The following CNTNAP5 variants were observed in gnomAD, a reference collection of about 807,000 sequenced individuals.
The protein encoded by CNTNAP5 is contactin-associated protein-like 5.
CNTNAP5 carries 72 observed loss-of-function variants against 150.2 expected under a neutral mutation model. The observed-to-expected ratio is 0.48, with a 90% CI of 0.40 to 0.58. CNTNAP5 has a LOEUF of 0.58. Among genes scored for constraint, CNTNAP5 ranks in the 20% least tolerant of loss-of-function variants. The pLI is 0.00. For missense variants in CNTNAP5, 1,636 were observed against 1,626.2 expected (o/e 1.01, Z -0.10); for synonymous variants, 672 against 619.8 (o/e 1.08, Z -1.25).
chr2:124,897,530 G>A (rs1678329997), intron 21 of CNTNAP5, among the ~76,000 whole-genome samples: 1 of 151,584 alleles, frequency 6.6e-6, no homozygotes, highest in Non-Finnish European at 1.5e-5. Context: ...TCCAGGCAGA[G>A]AGAATCATGT....
At chr2:124,340,386 T>C (rs531801990) in intron 3 of CNTNAP5, among the ~76,000 whole-genome samples, 1 of 152,264 alleles carries the variant, frequency 6.6e-6, no homozygotes, top group Non-Finnish European at 1.5e-5. Context: ...GACTCAAATA[T>C]TCTCTTTATG....
intron 21 of CNTNAP5, among the ~76,000 whole-genome samples, chr2:124,874,526 AT>A (rs1018816893): frequency 2.0e-5 from 3 of 151,814 alleles, no homozygotes; most frequent in Admixed American, 6.6e-5. Context: ...TTTTTAATTT[AT>A]TTTTTTTCTG....
intron 3 of CNTNAP5, among the ~76,000 whole-genome samples, chr2:124,412,442 A>G (rs1691796567): frequency 6.7e-6 from 1 of 149,396 alleles, no homozygotes; most frequent in Non-Finnish European, 1.5e-5. Context: ...AGCCAAAAGA[A>G]CAAAGCTGGA....
intron 19 of CNTNAP5, among the ~76,000 whole-genome samples, chr2:124,835,494 G>C (rs1003408499): frequency 6.6e-6 from 1 of 152,138 alleles, no homozygotes; most frequent in Admixed American, 6.5e-5. Context: ...GAATGCAGGG[G>C]CAGTTGCTTG....
intron 3 of CNTNAP5, among the ~76,000 whole-genome samples, chr2:124,284,418 A>C (rs903341089): frequency 6.6e-5 from 10 of 152,040 alleles, no homozygotes; most frequent in African/African-American, 1.7e-4. Context: ...TTTGGAAGCT[A>C]TTTGTTCCCA....
At chr2:124,784,613 C>T (rs912843769) in intron 17 of CNTNAP5, among the ~76,000 whole-genome samples, 1 of 152,112 alleles carries the variant, frequency 6.6e-6, no homozygotes, top group Admixed American at 6.6e-5. Context: ...AGAATAAATG[C>T]ATGCTGGTAT....
chr2:124,558,538 G>A (rs1354289445), intron 10 of CNTNAP5, among the ~76,000 whole-genome samples: 2 of 152,164 alleles, frequency 1.3e-5, no homozygotes, highest in African/African-American at 4.8e-5. Flanking sequence ...TGAAGTCACT[G>A]GTGTGTAGCC....
chr2:124,839,437 C>T (rs1174857264), intron 19 of CNTNAP5, among the ~76,000 whole-genome samples: 1 of 151,590 alleles, frequency 6.6e-6, no homozygotes, highest in African/African-American at 2.4e-5. Context: ...CTCTCTCTCT[C>T]TCTCTCTCTC....
chr2:124,072,804 A>G (rs542919379), intron 1 of CNTNAP5, among the ~76,000 whole-genome samples: 3 of 152,196 alleles, frequency 2.0e-5, no homozygotes, highest in East Asian at 1.9e-4. Flanking sequence ...TACAGATTCA[A>G]TGCAATCCTT....
In CNTNAP5 at chr2:124,902,992, C is replaced by T; in HGVS notation, c.3547C>T (p.His1183Tyr). Reference protein sequence around the residue: ...HIAPLKAALRHATVAPVTVHG... With the variant: ...HIAPLKAALRYATVAPVTVHG... ...AGCACCACTGAAGGCTGCCCTGCGC[C>T]ATGCCACTGTCGCGCCTGTGACTGT... The change falls in exon 22 of 24, where the codon CAT becomes TAT. Residue 1183 changes from histidine to tyrosine, a missense_variant. Physicochemically the swap from His to Tyr is moderately conservative, Grantham distance 83. Transcript: ENST00000682447. 1 of 1,612,636 alleles carries T rather than the reference C, an allele frequency of 6.2e-7. No individual in the cohort carries two copies. Among genetic ancestry groups the T allele is most frequent in the Non-Finnish European group, 8.5e-7 (1 of 1,179,290 alleles).
Position 124,212,829 on chromosome 2 carries a change from C to CTTT in CNTNAP5, c.83-8851_83-8849dup, listed in dbSNP as rs66534077. 2.7e-3 allele frequency among the ~76,000 whole-genome samples: 171 copies of CTTT among 62,916 alleles called. 16 individuals are homozygous for CTTT. Among genetic ancestry groups the CTTT allele is most frequent in the Non-Finnish European group, 4.0e-3 (146 of 36,766 alleles). The allele number at this position is 62,916 out of a possible 152,430, so 41.3% of individuals were successfully genotyped here. ...TGGGACCTACCATGTGTAGATAAAT[C>CTTT]TTTTTTTTTTTTTTTTTTTTTTTTT... is the stretch of plus-strand genomic sequence containing the variant. On this transcript the variant is annotated intron_variant, in intron 1 of 23. Transcript: ENST00000682447.
intron 12 of CNTNAP5, among the ~76,000 whole-genome samples, chr2:124,620,745 GCACA>G (rs3039903): frequency 0.21 from 21,308 of 103,550 alleles, 1,671 homozygotes; most frequent in Non-Finnish European, 0.29. Flanking sequence ...ACACACACAT[GCACA>G]CACACACACA....
At position 124,763,690 on chromosome 2, in the gene CNTNAP5, T is replaced by C; in HGVS notation, c.2253T>C (p.Phe751=). 6.2e-7 allele frequency: 1 copy of C among 1,612,650 alleles called. No individual in the cohort carries two copies. Among genetic ancestry groups the C allele is most frequent in the Non-Finnish European group, 8.5e-7 (1 of 1,179,182 alleles). Residue 751 remains phenylalanine, a synonymous_variant, in exon 15 of 24, where the codon TTT becomes TTC. Transcript: ENST00000682447. ...TTTGCAGGACAAATGATACTGGCTT[T>C]CTTTCCTTCAAAGACCACTTGCCTG... ...DKDEWTNDTG[F]LSFKDHLPVT...
intron 3 of CNTNAP5, among the ~76,000 whole-genome samples, chr2:124,399,369 G>A (rs1691347286): frequency 6.6e-6 from 1 of 152,126 alleles, no homozygotes; most frequent in Non-Finnish European, 1.5e-5. Flanking sequence ...GATTAAAAAA[G>A]ACACATGATG....
intron 13 of CNTNAP5, among the ~76,000 whole-genome samples, chr2:124,734,324 G>A (rs1680336840): frequency 6.6e-6 from 1 of 152,046 alleles, no homozygotes; most frequent in Admixed American, 6.6e-5. Flanking sequence ...CAAATGAAAA[G>A]TGAGCATGAG....
intron 13 of CNTNAP5, among the ~76,000 whole-genome samples, chr2:124,687,625 A>G (rs991996245): frequency 6.6e-6 from 1 of 152,012 alleles, no homozygotes; most frequent in African/African-American, 2.4e-5. Context: ...AAAGGATGGT[A>G]CTTCCTGATC....
At chr2:124,585,091 C>T (rs1696498703) in intron 11 of CNTNAP5, among the ~76,000 whole-genome samples, 1 of 152,192 alleles carries the variant, frequency 6.6e-6, no homozygotes, top group South Asian at 2.1e-4. Flanking sequence ...TGGTAAATGA[C>T]CCTAACCTGT....
intron 3 of CNTNAP5, among the ~76,000 whole-genome samples, chr2:124,315,470 C>T (rs1320306529): frequency 6.6e-6 from 1 of 152,134 alleles, no homozygotes. Context: ...TAGAAGCAAG[C>T]AGAACAAGGC....
At chr2:124,662,719 C>T (rs767127729) in intron 13 of CNTNAP5, among the ~76,000 whole-genome samples, 1 of 152,124 alleles carries the variant, frequency 6.6e-6, no homozygotes, top group African/African-American at 2.4e-5. Flanking sequence ...AATACTTTTG[C>T]TCTATGTGAT....
Sources: allele counts gnomAD v4.1 joint callset (sites outside exome capture counted in the v4.1 genomes callset), GRCh38; gene constraint gnomAD v4.1.1; transcripts MANE v1.5; gene names NCBI Gene and HGNC (gene_info 2026-07-23, HGNC 2026-07-21).